Variants in ADARB2 observed in about 807,000 individuals in gnomAD.
ADARB2 encodes the protein inactive double-stranded RNA-specific editase B2.
ADARB2 carries 25 observed loss-of-function variants against 62.2 expected under a neutral mutation model. The ratio of observed to expected loss-of-function variants is 0.40; its 90% CI spans 0.29 to 0.56. The LOEUF is 0.56. ADARB2 is among the 20% of genes least tolerant of loss of function. The pLI, the probability that ADARB2 is intolerant of heterozygous loss-of-function variation, is 0.43. For missense variants in ADARB2, 1,071 were observed against 1,077.4 expected (o/e 0.99, Z 0.08); for synonymous variants, 572 against 500.8 (o/e 1.14, Z -1.90).
intron 3 of ADARB2, among the ~76,000 whole-genome samples, chr10:1,289,228 C>T (rs1179873413): frequency 1.2e-4 from 18 of 152,160 alleles, no homozygotes; most frequent in African/African-American, 1.9e-4. Flanking sequence ...ACCTGGAAGC[C>T]GCTGCTTTGA....
At chr10:1,279,682 T>G (rs1446385936) in intron 3 of ADARB2, among the ~76,000 whole-genome samples, 1 of 152,226 alleles carries the variant, frequency 6.6e-6, no homozygotes, top group Non-Finnish European at 1.5e-5. Context: ...TGACCTCATT[T>G]TGCCGTAAGT....
intron 1 of ADARB2, among the ~76,000 whole-genome samples, chr10:1,425,427 T>C (rs1832886405): frequency 6.6e-6 from 1 of 152,236 alleles, no homozygotes; most frequent in South Asian, 2.1e-4. Context: ...CAAATGTTGC[T>C]TTGATTGAAT....
intron 1 of ADARB2, among the ~76,000 whole-genome samples, chr10:1,462,830 ATGTG>A (rs1216237101): frequency 2.0e-5 from 3 of 152,026 alleles, no homozygotes; most frequent in African/African-American, 7.2e-5. Context: ...TGTAGTGTGC[ATGTG>A]TGTATGTACA....
chr10:1,691,566 ATGT>A (rs1484201346), intron 1 of ADARB2, among the ~76,000 whole-genome samples: 4 of 152,196 alleles, frequency 2.6e-5, no homozygotes, highest in African/African-American at 4.8e-5. Context: ...TGCTGACTAC[ATGT>A]TGAAGGGGTA....
chr10:1,190,018 T>G (rs1333829126), intron 8 of ADARB2, among the ~76,000 whole-genome samples: 1 of 152,018 alleles, frequency 6.6e-6, no homozygotes, highest in Non-Finnish European at 1.5e-5. Context: ...CAGTGAAAGG[T>G]GCCAACAGAC....
intron 1 of ADARB2, among the ~76,000 whole-genome samples, chr10:1,729,642 T>C (rs1835207875): frequency 6.6e-6 from 1 of 152,256 alleles, no homozygotes; most frequent in Admixed American, 6.5e-5. Context: ...ACCTGCTTTT[T>C]GTTTAATCAT....
chr10:1,473,809 G>C (rs959270884), intron 1 of ADARB2, among the ~76,000 whole-genome samples: 5 of 152,208 alleles, frequency 3.3e-5, no homozygotes, highest in African/African-American at 1.2e-4. Flanking sequence ...AGGGTTTTTG[G>C]GCAATTTGGG....
intron 4 of ADARB2, among the ~76,000 whole-genome samples, chr10:1,263,870 G>A (rs1424330649): frequency 6.6e-6 from 1 of 152,156 alleles, no homozygotes; most frequent in Admixed American, 6.5e-5. Context: ...TGGAACAAAT[G>A]TCCAGTCATT....
Position 1,340,265 on chromosome 10 carries a change from G to A in ADARB2, c.1077+22763C>T, listed in dbSNP as rs1369056303. On this transcript the variant is annotated intron_variant, in intron 3 of 9. Coordinates refer to ENST00000381312, the MANE Select transcript of ADARB2 (RefSeq NM_018702.4). ...ACCAGAGAACCACACACCCCACAGCGGCAATAACCGGCATCCACCAGAGAA... is the reference window on the plus strand; with the variant it reads ...ACCAGAGAACCACACACCCCACAGCAGCAATAACCGGCATCCACCAGAGAA... Among the ~76,000 whole-genome samples the A allele has an allele frequency of 6.9e-5, 10 of 144,060 alleles. No homozygotes were observed. In the East Asian group the frequency reaches 1.2e-3, roughly 18 times the overall value. 94.5% of individuals were successfully genotyped at this position (144,060 alleles called of 152,430 possible).
At position 1,399,861 on chromosome 10, in the gene ADARB2, TGCCCTGAGGGACACACAGGAG is replaced by T. The variant is rs571437332; in HGVS notation, c.101-20722_101-20702del. On this transcript the variant is annotated intron_variant, in intron 1 of 9. Transcript: ENST00000381312. Reference sequence around the variant, plus strand: ...CCCAGCAGGGGGCTGCCCTTGAGAGTGCCCTGAGGGACACACAGGAGGCCCTGGTGGGAGGCTGCCCCAAGG... The same window carrying T: ...CCCAGCAGGGGGCTGCCCTTGAGAGTGCCCTGGTGGGAGGCTGCCCCAAGG... Among the ~76,000 whole-genome samples, 892 of 152,090 alleles carry T rather than the reference TGCCCTGAGGGACACACAGGAG, an allele frequency of 5.9e-3. 6 individuals are homozygous for T. Among genetic ancestry groups the T allele is most frequent in the Admixed American group, 0.017 (264 of 15,286 alleles).
At position 1,405,849 on chromosome 10, in the gene ADARB2, G is replaced by A. The variant is rs560122698; in HGVS notation, c.101-26689C>T. Among the ~76,000 whole-genome samples, 8 of 149,210 alleles carry A rather than the reference G, an allele frequency of 5.4e-5. No individual in the cohort carries two copies. In the South Asian group the frequency reaches 6.5e-4, roughly 12 times the overall value. On this transcript the variant is annotated intron_variant, in intron 1 of 9. Transcript: ENST00000381312. ...GATACACCTGTTTATTAAACCTTCC[G>A]CCAAGATACACCCATTTATGAAACC...
chr10:1,592,361 G>A (rs1204404261), intron 1 of ADARB2, among the ~76,000 whole-genome samples: 5 of 121,524 alleles, frequency 4.1e-5, no homozygotes, highest in Non-Finnish European at 7.2e-5. Context: ...CTCTGGCATG[G>A]TCCCCTCTGT....
intron 3 of ADARB2, among the ~76,000 whole-genome samples, chr10:1,302,368 G>C (rs535804146): frequency 6.6e-6 from 1 of 152,140 alleles, no homozygotes; most frequent in African/African-American, 2.4e-5. Context: ...CACCTGGCTC[G>C]GAGGGTCCTA....
At position 1,429,531 on chromosome 10, in the gene ADARB2, C is replaced by T. The variant is rs140189172; in HGVS notation, c.101-50371G>A. Among the ~76,000 whole-genome samples the T allele has an allele frequency of 7.2e-5, 11 of 152,240 alleles. No individual in the cohort carries two copies. In the East Asian group the frequency reaches 1.5e-3, roughly 21 times the overall value. Reference sequence around the variant, plus strand: ...GCCCAACCCACATGGATGCTGCAGACGTGAATGCAGGACAAAGGTTATTGC... The same window carrying T: ...GCCCAACCCACATGGATGCTGCAGATGTGAATGCAGGACAAAGGTTATTGC... On this transcript the variant is annotated intron_variant, in intron 1 of 9. Coordinates refer to ENST00000381312, the MANE Select transcript of ADARB2 (RefSeq NM_018702.4).
intron 3 of ADARB2, among the ~76,000 whole-genome samples, chr10:1,307,872 T>C (rs1831645097): frequency 7.8e-6 from 1 of 127,878 alleles, no homozygotes; most frequent in Admixed American, 8.6e-5. Flanking sequence ...TAGGTGGGAA[T>C]TGAACAATGA....
chr10:1,338,814 T>C (rs1237234648), intron 3 of ADARB2, among the ~76,000 whole-genome samples: 3 of 152,174 alleles, frequency 2.0e-5, no homozygotes, highest in South Asian at 2.1e-4. Flanking sequence ...TTCCAGGTTC[T>C]GGAAACAGGG....
intron 1 of ADARB2, among the ~76,000 whole-genome samples, chr10:1,444,710 A>T (rs528710023): frequency 7.0e-6 from 1 of 143,796 alleles, no homozygotes; most frequent in Non-Finnish European, 1.5e-5. Flanking sequence ...CCATTCATCC[A>T]CCCACCCACT....
At chr10:1,599,470 C>T (rs553055191) in intron 1 of ADARB2, among the ~76,000 whole-genome samples, 144 of 152,312 alleles carry the variant, frequency 9.5e-4, no homozygotes, top group Middle Eastern at 3.4e-3. Context: ...ACGACCATCT[C>T]ACATTATGAT....
intron 1 of ADARB2, among the ~76,000 whole-genome samples, chr10:1,419,230 A>G (rs890667794): frequency 6.6e-6 from 1 of 152,136 alleles, no homozygotes; most frequent in African/African-American, 2.4e-5. Flanking sequence ...AGTAGCTGGG[A>G]TTACAGGCAC....
Sources: gnomAD v4.1 joint callset for allele counts (sites outside exome capture counted in the v4.1 genomes callset) on GRCh38, gnomAD v4.1.1 for gene constraint, MANE v1.5 for transcripts, NCBI Gene and HGNC (gene_info 2026-07-23, HGNC 2026-07-21) for gene names.